Variants in CSMD1 observed in about 807,000 individuals in gnomAD.
CSMD1 encodes the protein CUB and sushi domain-containing protein 1.
A neutral mutation model predicts 417.5 loss-of-function variants in CSMD1; 213 were observed. The observed-to-expected ratio is 0.51, with a 90% CI of 0.46 to 0.57. The LOEUF (loss-of-function observed/expected upper bound fraction) is 0.57, where lower values mean the gene tolerates loss of function less well. Among genes scored for constraint, CSMD1 ranks in the 20% least tolerant of loss-of-function variants. The pLI is 0.00. For synonymous variants in CSMD1, 2,862 were observed against 1,736.8 expected, an observed-to-expected ratio of 1.65 and a Z score of -16.11; for missense variants, 6,923 against 4,529.7, an observed-to-expected ratio of 1.53 and a Z score of -15.17.
intron 1 of CSMD1, among the ~76,000 whole-genome samples, chr8:4,750,659 T>C (rs1044733785): frequency 2.4e-4 from 37 of 152,208 alleles, no homozygotes; most frequent in Admixed American, 3.9e-4. Flanking sequence ...ATTAAAGGAA[T>C]CTAGTTTATT....
intron 3 of CSMD1, among the ~76,000 whole-genome samples, chr8:4,164,849 C>G (rs1433210079): frequency 6.7e-6 from 1 of 149,188 alleles, no homozygotes; most frequent in African/African-American, 2.5e-5. Flanking sequence ...GCACTCCAAG[C>G]CTGAGCAACA....
rs1251485923 is a variant in CSMD1, at chr8:3,524,056, CACACATGCACACACTT to C, written c.1345-30346_1345-30331del. ...ACATGCACACCCAGAGACACGTGCA[CACACATGCACACACTT>C]ACACATGCACACACGCATGCACACC... On this transcript the variant is annotated intron_variant, in intron 10 of 69. Coordinates refer to ENST00000635120, the MANE Select transcript of CSMD1 (RefSeq NM_033225.6). Among the ~76,000 whole-genome samples the C allele has an allele frequency of 9.5e-4, 126 of 132,360 alleles. 2 individuals carry two copies. The South Asian group carries it at 0.026, about 28-fold the overall frequency. The allele number at this position is 132,360 out of a possible 152,430, so 86.8% of individuals were successfully genotyped here. A position where few individuals can be genotyped will look rare whatever the true frequency, so the allele number is the denominator to read the frequency against.
Position 3,795,404 on chromosome 8 carries a change from T to C in CSMD1, c.819-41362A>G, listed in dbSNP as rs1401569363. ...CATGTATAGATATAGATATCTATCA[T>C]AGATATAGATATATATCTATCATAG... On this transcript the variant is annotated intron_variant, in intron 5 of 69. Coordinates refer to ENST00000635120, the MANE Select transcript of CSMD1 (RefSeq NM_033225.6). Among the ~76,000 whole-genome samples the C allele has an allele frequency of 5.0e-5, 2 of 39,804 alleles. 1 individual carries two copies. Among genetic ancestry groups the C allele is most frequent in the African/African-American group, 1.8e-4 (2 of 11,132 alleles). The allele number at this position is 39,804 out of a possible 152,430, so 26.1% of individuals were successfully genotyped here. A position where few individuals can be genotyped will look rare whatever the true frequency, so the allele number is the denominator to read the frequency against.
At chr8:3,842,398 G>A (rs1004580869) in intron 5 of CSMD1, among the ~76,000 whole-genome samples, 4 of 152,038 alleles carry the variant, frequency 2.6e-5, no homozygotes, top group African/African-American at 9.7e-5. Context: ...CCTGACAGTT[G>A]GCTGTGCATG....
At chr8:3,236,481 A>G (rs1265699158) in intron 26 of CSMD1, among the ~76,000 whole-genome samples, 1 of 152,216 alleles carries the variant, frequency 6.6e-6, no homozygotes, top group East Asian at 1.9e-4. Flanking sequence ...TGCAGAATAC[A>G]TCGGTTGGGT....
intron 1 of CSMD1, among the ~76,000 whole-genome samples, chr8:4,813,135 G>A (rs1288818015): frequency 2.6e-5 from 4 of 152,048 alleles, no homozygotes; most frequent in Non-Finnish European, 2.9e-5. Context: ...TTAAGCTCTC[G>A]CTAAATCCCT....
chr8:3,308,562 CAG>C, intron 23 of CSMD1, 59 bp from the exon 24 acceptor site: 1 of 1,374,134 alleles, frequency 7.3e-7, no homozygotes, highest in Non-Finnish European at 1.0e-6. Context: ...TGCCTTAAAA[CAG>C]AGATGAAACA....
chr8:3,850,408 C>T (rs1803817098), intron 5 of CSMD1, among the ~76,000 whole-genome samples: 1 of 152,188 alleles, frequency 6.6e-6, no homozygotes, highest in South Asian at 2.1e-4. Context: ...TCAAAATTCG[C>T]ATTAAGCCTG....
chr8:4,236,026 G>GTTTTTTTTTTTTTTTTTTTTT lies in CSMD1; in HGVS notation c.415+183926_415+183927insAAAAAAAAAAAAAAAAAAAAA, dbSNP rs147378202. ...GTGAGCAAAGAGGTTAATGGATATT[G>GTTTTTTTTTTTTTTTTTTTTT]TTTTTTTTGTTTGTTTTTTTTTTTT... is the stretch of plus-strand genomic sequence containing the variant. On this transcript the variant is annotated intron_variant, in intron 3 of 69. Coordinates refer to ENST00000635120, the MANE Select transcript of CSMD1 (RefSeq NM_033225.6). 2.8e-5 allele frequency among the ~76,000 whole-genome samples: 3 copies of GTTTTTTTTTTTTTTTTTTTTT among 108,130 alleles called. 1 individual carries two copies. Among genetic ancestry groups the GTTTTTTTTTTTTTTTTTTTTT allele is most frequent in the African/African-American group, 1.3e-4 (3 of 23,792 alleles). The allele number at this position is 108,130 out of a possible 152,430, so 70.9% of individuals were successfully genotyped here.
At chr8:3,663,421 G>A (rs28711966) in intron 7 of CSMD1, among the ~76,000 whole-genome samples, 22,290 of 152,034 alleles carry the variant, frequency 0.15, 1,966 homozygotes, top group South Asian at 0.22. Flanking sequence ...TGGACAGGAA[G>A]GACTCAAGAG....
chr8:3,621,989 GTA>G lies in CSMD1; in HGVS notation c.1010-5194_1010-5193del, dbSNP rs1226547887. Among the ~76,000 whole-genome samples, 446 of 97,708 alleles carry G rather than the reference GTA, an allele frequency of 4.6e-3. 2 individuals carry two copies. Among genetic ancestry groups the G allele is most frequent in the African/African-American group, 0.011 (289 of 25,690 alleles). The allele number at this position is 97,708 out of a possible 152,430, so 64.1% of individuals were successfully genotyped here. On this transcript the variant is annotated intron_variant, in intron 7 of 69. Coordinates refer to ENST00000635120, the MANE Select transcript of CSMD1 (RefSeq NM_033225.6). Reference sequence around the variant, plus strand: ...TCTCTCTCTCTCTTTGTGTGTGTGTGTATGTGTGTGTGTGTGTGTGTGTGTGT... The same window carrying G: ...TCTCTCTCTCTCTTTGTGTGTGTGTGTGTGTGTGTGTGTGTGTGTGTGTGT...
At chr8:4,821,692 G>C (rs569375585) in intron 1 of CSMD1, among the ~76,000 whole-genome samples, 1 of 152,082 alleles carries the variant, frequency 6.6e-6, no homozygotes, top group African/African-American at 2.4e-5. Context: ...TGAAGAAAGA[G>C]CCCTATTCAT....
chr8:4,154,688 TAAAAAC>T, intron 3 of CSMD1, among the ~76,000 whole-genome samples: 1 of 152,192 alleles, frequency 6.6e-6, no homozygotes, highest in Admixed American at 6.5e-5. Context: ...GAATTCTCAT[TAAAAAC>T]GTACAAGGAA....
chr8:3,447,656 C>G (rs1178288142), intron 12 of CSMD1, among the ~76,000 whole-genome samples: 2 of 152,168 alleles, frequency 1.3e-5, no homozygotes, highest in African/African-American at 2.4e-5. Flanking sequence ...TTCTTTGCTG[C>G]TTTATTTCTC....
At chr8:3,449,977 T>A (rs931173820) in intron 12 of CSMD1, among the ~76,000 whole-genome samples, 3 of 152,150 alleles carry the variant, frequency 2.0e-5, no homozygotes, top group Non-Finnish European at 4.4e-5. Flanking sequence ...CGTTTTAAAG[T>A]GGAAAAGCCA....
chr8:3,993,939 G>A (rs780044502), intron 5 of CSMD1, among the ~76,000 whole-genome samples: 2 of 152,174 alleles, frequency 1.3e-5, no homozygotes, highest in Non-Finnish European at 2.9e-5. Flanking sequence ...ATGCACCAGG[G>A]ATGAAAACGC....
At chr8:4,306,301 A>G (rs1241069212) in intron 3 of CSMD1, among the ~76,000 whole-genome samples, 4 of 152,182 alleles carry the variant, frequency 2.6e-5, no homozygotes, top group Non-Finnish European at 2.9e-5. Context: ...TAAATAATAT[A>G]TAACAGCCCA....
Position 4,637,325 on chromosome 8 carries a change from A to G in CSMD1, c.302+17T>C. On this transcript the variant is annotated intron_variant, in intron 2 of 69. Coordinates refer to ENST00000635120, the MANE Select transcript of CSMD1 (RefSeq NM_033225.6). ...TTCAAACAGTGCTAACTGTAATATA[A>G]AAAGTTGATACCTTACCTCACTTTT... The G allele has an allele frequency of 6.3e-7, 1 of 1,577,268 alleles. No homozygotes were observed. The highest frequency in any genetic ancestry group is 8.7e-7 in the Non-Finnish European group (1 of 1,147,194).
At chr8:4,572,250 G>T (rs1261300445) in intron 2 of CSMD1, among the ~76,000 whole-genome samples, 1 of 152,150 alleles carries the variant, frequency 6.6e-6, no homozygotes, top group Non-Finnish European at 1.5e-5. Context: ...AGCAGTGGCT[G>T]GTACCAGTTT....
Sources: allele counts gnomAD v4.1 joint callset (sites outside exome capture counted in the v4.1 genomes callset), GRCh38; gene constraint gnomAD v4.1.1; transcripts MANE v1.5; gene names NCBI Gene and HGNC (gene_info 2026-07-23, HGNC 2026-07-21).